The following PTPRT variants were observed in gnomAD, a reference collection of about 807,000 sequenced individuals.
The protein encoded by PTPRT is receptor-type tyrosine-protein phosphatase T.
A neutral mutation model predicts 176.8 loss-of-function variants in PTPRT; 56 were observed. That is an observed-to-expected ratio of 0.32 (90% confidence interval 0.26 to 0.40). The LOEUF is 0.40. PTPRT is among the 10% of genes least tolerant of loss of function. The probability of loss-of-function intolerance (pLI) is 1.00; values close to 1 mark genes in which losing one functional copy is unlikely to be tolerated. For missense variants in PTPRT, 1,540 were observed against 1,908.2 expected, an observed-to-expected ratio of 0.81 and a Z score of 3.60; for synonymous variants, 783 against 739.0, an observed-to-expected ratio of 1.06 and a Z score of -0.96.
chr20:43,068,511 A>C lies in PTPRT; in HGVS notation c.88+121135T>G, dbSNP rs369522784. Among the ~76,000 whole-genome samples, 598 of 151,194 alleles carry C rather than the reference A, an allele frequency of 4.0e-3. 5 individuals carry two copies. Among genetic ancestry groups the C allele is most frequent in the African/African-American group, 0.014 (576 of 41,122 alleles). On this transcript the variant is annotated intron_variant, in intron 1 of 30. Coordinates refer to ENST00000373187, the MANE Select transcript of PTPRT (RefSeq NM_007050.6). ...CAGAGAGAGACTCTGTCTCAAAAAA[A>C]AAAAAAAAAAAAAGCCAATTAGGGA...
intron 8 of PTPRT, among the ~76,000 whole-genome samples, chr20:42,460,690 ATAAG>A (rs1487361881): frequency 1.3e-5 from 2 of 152,188 alleles, no homozygotes; most frequent in African/African-American, 4.8e-5. Context: ...TGATGTTATT[ATAAG>A]TGTTTGGTAG....
intron 1 of PTPRT, among the ~76,000 whole-genome samples, chr20:43,105,992 G>A (rs2012589123): frequency 6.6e-6 from 1 of 152,104 alleles, no homozygotes. Context: ...TCACAAGGAT[G>A]CAACAGGTTC....
intron 1 of PTPRT, among the ~76,000 whole-genome samples, chr20:43,126,957 C>T (rs118117720): frequency 0.033 from 5,095 of 152,226 alleles, 122 homozygotes; most frequent in Non-Finnish European, 0.053. Flanking sequence ...TTGGATTCTG[C>T]GTGAACAAGA....
intron 1 of PTPRT, among the ~76,000 whole-genome samples, chr20:43,147,988 C>T (rs2014222781): frequency 6.6e-6 from 1 of 152,166 alleles, no homozygotes. Flanking sequence ...CATGATGAGA[C>T]TTTAAATCTA....
intron 6 of PTPRT, among the ~76,000 whole-genome samples, chr20:42,696,387 T>G (rs2075876707): frequency 6.6e-6 from 1 of 151,768 alleles, no homozygotes; most frequent in East Asian, 1.9e-4. Context: ...TCATGAGTGG[T>G]TTCATAAAGA....
chr20:42,708,595 G>T (rs1203288190), intron 6 of PTPRT, among the ~76,000 whole-genome samples: 1 of 152,128 alleles, frequency 6.6e-6, no homozygotes. Context: ...AAGATAGCAG[G>T]CATGCTCTAC....
At chr20:42,521,385 T>C (rs550203398) in intron 7 of PTPRT, among the ~76,000 whole-genome samples, 1 of 152,214 alleles carries the variant, frequency 6.6e-6, no homozygotes, top group Non-Finnish European at 1.5e-5. Flanking sequence ...ATGCTTTCTA[T>C]GTTGTACACC....
intron 2 of PTPRT, among the ~76,000 whole-genome samples, chr20:42,838,895 T>C (rs2078228413): frequency 6.6e-6 from 1 of 152,080 alleles, no homozygotes; most frequent in Admixed American, 6.5e-5. Flanking sequence ...CCCCTTTATA[T>C]AGGAACCTGT....
At chr20:42,144,293 A>G (rs916003763) in intron 17 of PTPRT, among the ~76,000 whole-genome samples, 1 of 152,204 alleles carries the variant, frequency 6.6e-6, no homozygotes, top group South Asian at 2.1e-4. Flanking sequence ...TTTTGGGTAC[A>G]TAAAGTGCTT....
intron 1 of PTPRT, among the ~76,000 whole-genome samples, chr20:43,161,614 C>A (rs1356062260): frequency 2.0e-5 from 3 of 152,130 alleles, no homozygotes; most frequent in African/African-American, 7.2e-5. Context: ...TGCCAAGGAA[C>A]CAAGCAGAGC....
intron 1 of PTPRT, among the ~76,000 whole-genome samples, chr20:43,083,406 G>C (rs1197495320): frequency 7.7e-6 from 1 of 129,886 alleles, no homozygotes; most frequent in Admixed American, 8.6e-5. Context: ...TGTGGCCCAG[G>C]CTGTAGTGCA....
At chr20:42,647,201 A>G (rs1294019982) in intron 7 of PTPRT, among the ~76,000 whole-genome samples, 1 of 151,766 alleles carries the variant, frequency 6.6e-6, no homozygotes, top group African/African-American at 2.4e-5. Context: ...CCAGCCTCCA[A>G]TGACTAAGAT....
At chr20:42,812,043 G>A (rs1203103624) in intron 2 of PTPRT, among the ~76,000 whole-genome samples, 1 of 146,032 alleles carries the variant, frequency 6.8e-6, no homozygotes, top group African/African-American at 2.5e-5. Context: ...ATTGAATCCT[G>A]CTGTAGAGAA....
intron 9 of PTPRT, among the ~76,000 whole-genome samples, chr20:42,422,840 T>C (rs1600998737): frequency 6.6e-6 from 1 of 152,252 alleles, no homozygotes; most frequent in East Asian, 1.9e-4. Context: ...GTGATACATA[T>C]ACACCATGGA....
rs572576684 is a variant in PTPRT at position 42,433,102 on chromosome 20, A to C, written c.1560+15118T>G. 1.3e-5 allele frequency among the ~76,000 whole-genome samples: 2 copies of C among 152,212 alleles called. 1 individual carries two copies. The highest frequency in any genetic ancestry group is 4.8e-5 in the African/African-American group (2 of 41,452). ...ACATGTCTGGACTTTGCTTTAATCT[A>C]CTGGCAAATGGAAACCCAGCTGCCG... On this transcript the variant is annotated intron_variant, in intron 9 of 30. Coordinates refer to ENST00000373187, the MANE Select transcript of PTPRT (RefSeq NM_007050.6).
intron 6 of PTPRT, chr20:42,687,398 A>G (rs1425329844): frequency 1.3e-5 from 2 of 152,190 alleles, no homozygotes; most frequent in African/African-American, 4.8e-5. Flanking sequence ...TTAGCACCAG[A>G]TGAAGTTTTA....
chr20:42,798,188 A>G (rs4812652), intron 2 of PTPRT, among the ~76,000 whole-genome samples: 18,298 of 152,164 alleles, frequency 0.12, 1,436 homozygotes, highest in East Asian at 0.38. Context: ...CACTTTCCCT[A>G]CATGGCTTTC....
At chr20:42,151,698 T>C (rs1287756602) in intron 17 of PTPRT, among the ~76,000 whole-genome samples, 2 of 152,204 alleles carry the variant, frequency 1.3e-5, no homozygotes, top group African/African-American at 4.8e-5. Flanking sequence ...GTATTTCTCG[T>C]TCTAGATCCT....
At chr20:43,140,255 C>T (rs2013959871) in intron 1 of PTPRT, among the ~76,000 whole-genome samples, 1 of 152,128 alleles carries the variant, frequency 6.6e-6, no homozygotes. Context: ...CTGGTGCTTT[C>T]TCTTTAATGG....
Sources: gnomAD v4.1 joint callset for allele counts (sites outside exome capture counted in the v4.1 genomes callset) on GRCh38, gnomAD v4.1.1 for gene constraint, MANE v1.5 for transcripts, NCBI Gene and HGNC (gene_info 2026-07-23, HGNC 2026-07-21) for gene names.